The following ANKS1B variants were observed in gnomAD, a reference collection of about 807,000 sequenced individuals.
ANKS1B encodes the protein ankyrin repeat and sterile alpha motif domain-containing protein 1B.
In ANKS1B, 36 loss-of-function variants were observed where a neutral mutation model predicts 148.3. That is an observed-to-expected ratio of 0.24 (90% CI 0.19 to 0.32). The LOEUF (loss-of-function observed/expected upper bound fraction) is 0.32, where lower values mean the gene tolerates loss of function less well. Ranked by LOEUF, ANKS1B falls within the 10% of genes least tolerant of loss-of-function variation. The probability of loss-of-function intolerance (pLI) is 1.00; values close to 1 mark genes in which losing one functional copy is unlikely to be tolerated. For missense variants in ANKS1B, 1,157 were observed against 1,542.6 expected (o/e 0.75, Z 4.19); for synonymous variants, 542 against 560.8 (o/e 0.97, Z 0.47).
intron 9 of ANKS1B, among the ~76,000 whole-genome samples, chr12:99,646,127 T>C (rs2098360825): frequency 6.6e-6 from 1 of 152,176 alleles, no homozygotes; most frequent in African/African-American, 2.4e-5. Flanking sequence ...TGGACACTTT[T>C]AAAACGTTAT....
intron 12 of ANKS1B, among the ~76,000 whole-genome samples, chr12:99,395,891 C>T (rs1194799838): frequency 6.6e-6 from 1 of 152,098 alleles, no homozygotes; most frequent in Non-Finnish European, 1.5e-5. Flanking sequence ...TTTGTGTATG[C>T]AATCATTTAT....
intron 14 of ANKS1B, among the ~76,000 whole-genome samples, chr12:99,181,308 T>G (rs753036305): frequency 6.6e-6 from 1 of 152,168 alleles, no homozygotes; most frequent in African/African-American, 2.4e-5. Context: ...TCTCATAATA[T>G]GTTTTTCTTT....
chr12:98,975,923 C>T (rs535347755), intron 17 of ANKS1B, among the ~76,000 whole-genome samples: 41 of 152,258 alleles, frequency 2.7e-4, no homozygotes, highest in African/African-American at 8.9e-4. Flanking sequence ...AATGATAGGG[C>T]GGCTTCATTC....
At chr12:98,990,548 TAAAG>T (rs1264605519) in intron 17 of ANKS1B, among the ~76,000 whole-genome samples, 1 of 126,304 alleles carries the variant, frequency 7.9e-6, no homozygotes, top group Admixed American at 8.5e-5. Flanking sequence ...GTCAGGATGA[TAAAG>T]AGAGAGAGAG....
rs1226110380 is a variant in ANKS1B, at chr12:98,930,819, T to C, written c.2779-98683A>G. 6.6e-5 allele frequency among the ~76,000 whole-genome samples: 10 copies of C among 152,254 alleles called. No homozygotes were observed. In the East Asian group the frequency reaches 1.9e-3, roughly 29 times the overall value. ...TGTTCTAAAGTTAAGACAGTTGTGA[T>C]GGTCACACAACTCTGTGAGTACACG... On this transcript the variant is annotated intron_variant, in intron 17 of 26. Coordinates refer to ENST00000683438, the MANE Select transcript of ANKS1B (RefSeq NM_001352186.2).
At chr12:99,033,691 T>C (rs2153468914) in intron 17 of ANKS1B, among the ~76,000 whole-genome samples, 1 of 152,200 alleles carries the variant, frequency 6.6e-6, no homozygotes, top group Non-Finnish European at 1.5e-5. Flanking sequence ...CTTGTATCAT[T>C]ATTGCTTTAA....
In ANKS1B at chr12:99,114,558, C is replaced by T. The variant is rs150514352; in HGVS notation, c.2527-29535G>A. ...CTTGAGGTCAGAAGTTTGAGACCAG[C>T]TTGGCCAACATATTGAAGCCCCATC... On this transcript the variant is annotated intron_variant, in intron 15 of 26. Coordinates refer to ENST00000683438, the MANE Select transcript of ANKS1B (RefSeq NM_001352186.2). 5.1e-4 allele frequency among the ~76,000 whole-genome samples: 78 copies of T among 152,216 alleles called. 1 individual carries two copies. The East Asian group carries it at 0.013, about 25-fold the overall frequency.
At chr12:98,971,379 CAA>C (rs1348938663) in intron 17 of ANKS1B, among the ~76,000 whole-genome samples, 2 of 152,128 alleles carry the variant, frequency 1.3e-5, no homozygotes, top group Non-Finnish European at 2.9e-5. Context: ...AAAGTAACAA[CAA>C]AAGAGACAGA....
intron 9 of ANKS1B, among the ~76,000 whole-genome samples, chr12:99,569,966 G>A (rs995018481): frequency 4.6e-5 from 7 of 152,130 alleles, no homozygotes; most frequent in Non-Finnish European, 1.0e-4. Flanking sequence ...CAACAATGTT[G>A]CAGGATGAAC....
intron 17 of ANKS1B, among the ~76,000 whole-genome samples, chr12:98,921,262 C>A (rs931309021): frequency 6.6e-6 from 1 of 152,062 alleles, no homozygotes; most frequent in African/African-American, 2.4e-5. Flanking sequence ...GCCAAGGATG[C>A]ACCCAAAATG....
chr12:99,300,566 T>C (rs2081460605), intron 12 of ANKS1B, among the ~76,000 whole-genome samples: 1 of 152,144 alleles, frequency 6.6e-6, no homozygotes, highest in African/African-American at 2.4e-5. Context: ...TACAATTTTG[T>C]TTACATATTT....
At chr12:99,651,184 T>G (rs572784859) in intron 9 of ANKS1B, among the ~76,000 whole-genome samples, 68 of 152,214 alleles carry the variant, frequency 4.5e-4, no homozygotes, top group African/African-American at 1.4e-3. Context: ...CGCTTACGAC[T>G]TAATGATTTT....
intron 1 of ANKS1B, among the ~76,000 whole-genome samples, chr12:99,926,167 T>C (rs1420138185): frequency 6.6e-6 from 1 of 152,248 alleles, no homozygotes; most frequent in African/African-American, 2.4e-5. Context: ...ATTTAATGCT[T>C]ATCAGTTAAA....
At chr12:99,332,764 AAAG>A (rs1350474967) in intron 12 of ANKS1B, among the ~76,000 whole-genome samples, 2 of 151,784 alleles carry the variant, frequency 1.3e-5, no homozygotes, top group Admixed American at 6.6e-5. Flanking sequence ...GAAGGGTTAG[AAAG>A]AAGGGTGTAC....
At chr12:98,980,394 G>T (rs1461113659) in intron 17 of ANKS1B, among the ~76,000 whole-genome samples, 1 of 152,172 alleles carries the variant, frequency 6.6e-6, no homozygotes, top group Admixed American at 6.5e-5. Flanking sequence ...TTTTAGTAGA[G>T]ACGGGGTTTC....
At chr12:99,959,579 A>G (rs2095379274) in intron 1 of ANKS1B, among the ~76,000 whole-genome samples, 3 of 152,194 alleles carry the variant, frequency 2.0e-5, no homozygotes, top group Non-Finnish European at 2.9e-5. Context: ...TTATTTGTCT[A>G]TTACTTTGCT....
chr12:99,338,758 A>G (rs2089410137), intron 12 of ANKS1B, among the ~76,000 whole-genome samples: 1 of 152,122 alleles, frequency 6.6e-6, no homozygotes, highest in Admixed American at 6.5e-5. Context: ...TGCCTGGATG[A>G]TGTCCTTCCC....
At chr12:99,677,627 C>T (rs1198337603) in intron 8 of ANKS1B, among the ~76,000 whole-genome samples, 1 of 152,180 alleles carries the variant, frequency 6.6e-6, no homozygotes, top group Non-Finnish European at 1.5e-5. Context: ...GTCAAATCTC[C>T]AGCTGCTTAT....
intron 17 of ANKS1B, among the ~76,000 whole-genome samples, chr12:98,861,169 T>G (rs1386755799): frequency 6.6e-6 from 1 of 150,498 alleles, no homozygotes; most frequent in East Asian, 2.0e-4. Context: ...CCTTCGGAGT[T>G]TATGCTAGTA....
Sources: allele counts gnomAD v4.1 joint callset (sites outside exome capture counted in the v4.1 genomes callset), GRCh38; gene constraint gnomAD v4.1.1; transcripts MANE v1.5; gene names NCBI Gene and HGNC (gene_info 2026-07-23, HGNC 2026-07-21).